GALNT1: variants seen among roughly 807,000 people sequenced by gnomAD.
GALNT1 encodes polypeptide N-acetylgalactosaminyltransferase 1.
GALNT1 carries 17 observed loss-of-function variants against 65.7 expected under a neutral mutation model. The ratio of observed to expected loss-of-function variants is 0.26; its 90% CI spans 0.18 to 0.39. The LOEUF (loss-of-function observed/expected upper bound fraction) is 0.39. GALNT1 is among the 10% of genes least tolerant of loss of function. The pLI is 1.00. For synonymous variants in GALNT1, 210 were observed against 219.7 expected, an observed-to-expected ratio of 0.96 and a Z score of 0.39; for missense variants, 460 against 672.8, an observed-to-expected ratio of 0.68 and a Z score of 3.50.
At chr18:35,696,419 A>T (rs1158133710) in intron 9 of GALNT1, among the ~76,000 whole-genome samples, 1 of 152,258 alleles carries the variant, frequency 6.6e-6, no homozygotes, top group Non-Finnish European at 1.5e-5. Context: ...AATTTAGGGC[A>T]TCTGGCTTCA....
chr18:35,649,194 C>T (rs550083983), intron 1 of GALNT1, among the ~76,000 whole-genome samples: 4 of 152,338 alleles, frequency 2.6e-5, no homozygotes, highest in African/African-American at 9.6e-5. Context: ...TATTAGAGTT[C>T]CAGTTGCTCC....
intron 1 of GALNT1, among the ~76,000 whole-genome samples, chr18:35,650,877 C>T (rs114286315): frequency 0.013 from 1,959 of 152,138 alleles, 45 homozygotes; most frequent in African/African-American, 0.045. Context: ...TCATTCTCAG[C>T]TTAAGAAGAT....
chr18:35,607,507 G>A (rs2046665546), intron 1 of GALNT1, among the ~76,000 whole-genome samples: 1 of 152,112 alleles, frequency 6.6e-6, no homozygotes, highest in Non-Finnish European at 1.5e-5. Flanking sequence ...ACATACAGAG[G>A]CTTAGTGTAA....
chr18:35,634,021 G>A (rs1017321894), intron 1 of GALNT1, among the ~76,000 whole-genome samples: 5 of 152,194 alleles, frequency 3.3e-5, no homozygotes, highest in African/African-American at 1.2e-4. Context: ...GCTTTGCAGT[G>A]TTCCAAATGA....
At chr18:35,586,328 T>C (rs1406050483) in intron 1 of GALNT1, among the ~76,000 whole-genome samples, 1 of 152,222 alleles carries the variant, frequency 6.6e-6, no homozygotes, top group Non-Finnish European at 1.5e-5. Flanking sequence ...TGTTTATTCT[T>C]TATATATTCT....
intron 3 of GALNT1, among the ~76,000 whole-genome samples, chr18:35,671,595 A>G (rs903792983): frequency 6.6e-6 from 1 of 152,174 alleles, no homozygotes; most frequent in Non-Finnish European, 1.5e-5. Flanking sequence ...GAAAATGACA[A>G]TTTCATAAAG....
intron 1 of GALNT1, among the ~76,000 whole-genome samples, chr18:35,643,003 G>A (rs2047185028): frequency 6.6e-6 from 1 of 151,958 alleles, no homozygotes; most frequent in Admixed American, 6.6e-5. Context: ...AGCCTTCCAG[G>A]TCTGTGACTC....
At chr18:35,696,410 A>G (rs2048057876) in intron 9 of GALNT1, among the ~76,000 whole-genome samples, 1 of 152,256 alleles carries the variant, frequency 6.6e-6, no homozygotes, top group Admixed American at 6.5e-5. Context: ...AATAGATATA[A>G]TTTAGGGCAT....
At chr18:35,685,609 C>T (rs2047855751) in intron 5 of GALNT1, among the ~76,000 whole-genome samples, 1 of 151,964 alleles carries the variant, frequency 6.6e-6, no homozygotes, top group South Asian at 2.1e-4. Context: ...TATTAGAAGT[C>T]TTTCTTAGGT....
At chr18:35,666,358 C>G (rs908842537) in intron 3 of GALNT1, among the ~76,000 whole-genome samples, 3 of 152,126 alleles carry the variant, frequency 2.0e-5, no homozygotes, top group Admixed American at 6.5e-5. Flanking sequence ...AAGTGGAGAT[C>G]AGTCAAGAGA....
At chr18:35,678,312 A>G (rs566060194) in intron 4 of GALNT1, among the ~76,000 whole-genome samples, 2 of 151,648 alleles carry the variant, frequency 1.3e-5, no homozygotes, top group African/African-American at 4.9e-5. Context: ...GGGATGTAAT[A>G]TGACTCTCAT....
rs1309398566 is a variant in GALNT1 at position 35,629,060 on chromosome 18, G to A, written c.-103-25500G>A. Among the ~76,000 whole-genome samples, 3 of 152,186 alleles carry A rather than the reference G, an allele frequency of 2.0e-5. No individual in the cohort carries two copies. The East Asian group carries it at 5.8e-4, about 29-fold the overall frequency. ...TGAACAAAGCCTCCAAGAAATATGG[G>A]ACTATGTGAAAAGACCAAATCTACA... is the stretch of plus-strand genomic sequence containing the variant. On this transcript the variant is annotated intron_variant, in intron 1 of 11. Coordinates refer to ENST00000269195, the MANE Select transcript of GALNT1 (RefSeq NM_020474.4).
chr18:35,594,603 A>G (rs991677376), intron 1 of GALNT1, among the ~76,000 whole-genome samples: 16 of 152,356 alleles, frequency 1.1e-4, no homozygotes, highest in Admixed American at 3.9e-4. Context: ...GATTGTATGT[A>G]AGGCTGAAAG....
chr18:35,591,097 G>A lies in GALNT1; in HGVS notation c.-104+9235G>A, dbSNP rs118180800. On this transcript the variant is annotated intron_variant, in intron 1 of 11. Coordinates refer to ENST00000269195, the MANE Select transcript of GALNT1 (RefSeq NM_020474.4). Reference sequence around the variant, plus strand: ...GATTGAGAAAGTAGAGGGAAGAAAAGGGTGGTTAATTTAGACTGAGAGTCT... The same window carrying A: ...GATTGAGAAAGTAGAGGGAAGAAAAAGGTGGTTAATTTAGACTGAGAGTCT... Among the ~76,000 whole-genome samples, 1,232 of 152,312 alleles carry A rather than the reference G, an allele frequency of 8.1e-3. 11 individuals carry two copies. Among genetic ancestry groups the A allele is most frequent in the Non-Finnish European group, 0.011 (740 of 68,032 alleles).
At chr18:35,641,684 A>G (rs999868630) in intron 1 of GALNT1, among the ~76,000 whole-genome samples, 52 of 152,248 alleles carry the variant, frequency 3.4e-4, no homozygotes, top group African/African-American at 1.2e-3. Context: ...TCTGACAGTA[A>G]TAAGTGTTGT....
Position 35,676,728 on chromosome 18 carries a change from T to G in GALNT1, c.315-863T>G, listed in dbSNP as rs540182957. Among the ~76,000 whole-genome samples, 3 of 152,124 alleles carry G rather than the reference T, an allele frequency of 2.0e-5. No homozygotes were observed. In the South Asian group the frequency reaches 6.2e-4, roughly 32 times the overall value. On this transcript the variant is annotated intron_variant, in intron 3 of 11. Coordinates refer to ENST00000269195, the MANE Select transcript of GALNT1 (RefSeq NM_020474.4). ...GGGAGATAATTATATATGCACTGTT[T>G]AGGGGGGCTTATGTTCTAAAGCACA... is the stretch of plus-strand genomic sequence containing the variant.
intron 9 of GALNT1, among the ~76,000 whole-genome samples, chr18:35,701,906 G>C (rs1342129968): frequency 1.3e-5 from 2 of 152,168 alleles, no homozygotes; most frequent in African/African-American, 4.8e-5. Context: ...CTGTCTCTGA[G>C]CCTGTTCATG....
rs557534036 is a variant in GALNT1, at chr18:35,687,294, C to T, written c.860+108C>T. 6 of 1,021,226 alleles carry T rather than the reference C, an allele frequency of 5.9e-6. No individual in the cohort carries two copies. In the East Asian group the frequency reaches 1.0e-4, roughly 17 times the overall value. The allele number at this position is 1,021,226 out of a possible 1,614,324, so 63.3% of individuals were successfully genotyped here. ...TGTATTTTGAGAAACGTGAAGCATT[C>T]GTATACCTTATGGTAGTTAACAGCC... On this transcript the variant is annotated intron_variant, in intron 6 of 11. Transcript: ENST00000269195.
chr18:35,698,416 C>A (rs1267571113), intron 9 of GALNT1, among the ~76,000 whole-genome samples: 2 of 151,926 alleles, frequency 1.3e-5, no homozygotes. Flanking sequence ...TTGCAGTGAG[C>A]CAAGATTGTG....
Sources: gnomAD v4.1 joint callset for allele counts (sites outside exome capture counted in the v4.1 genomes callset) on GRCh38, gnomAD v4.1.1 for gene constraint, MANE v1.5 for transcripts, NCBI Gene and HGNC (gene_info 2026-07-23, HGNC 2026-07-21) for gene names.